Variants in PTPRD observed in about 807,000 individuals in gnomAD.
PTPRD encodes the protein protein tyrosine phosphatase receptor type D.
PTPRD carries 34 observed loss-of-function variants against 214.5 expected under a neutral mutation model. The ratio of observed to expected loss-of-function variants is 0.16; its 90% CI spans 0.12 to 0.21. The LOEUF (loss-of-function observed/expected upper bound fraction) is 0.21. Among genes scored for constraint, PTPRD ranks in the 10% least tolerant of loss-of-function variants. The probability of loss-of-function intolerance (pLI) is 1.00; values close to 1 mark genes in which losing one functional copy is unlikely to be tolerated. For missense variants in PTPRD, 2,545 were observed against 2,398.7 expected, an observed-to-expected ratio of 1.06 and a Z score of -1.27; for synonymous variants, 1,128 against 845.7, an observed-to-expected ratio of 1.33 and a Z score of -5.79.
chr9:10,466,860 T>A (rs1483490166), intron 2 of PTPRD, among the ~76,000 whole-genome samples: 1 of 152,074 alleles, frequency 6.6e-6, no homozygotes, highest in Non-Finnish European at 1.5e-5. Flanking sequence ...AGAAGCATAA[T>A]TCACATAAGG....
chr9:9,993,290 A>G (rs762040633), intron 4 of PTPRD, among the ~76,000 whole-genome samples: 3 of 152,214 alleles, frequency 2.0e-5, no homozygotes, highest in Non-Finnish European at 4.4e-5. Flanking sequence ...TCTTAGGTAC[A>G]TATATTATCC....
chr9:8,666,924 G>A (rs1163608311), intron 12 of PTPRD, among the ~76,000 whole-genome samples: 1 of 151,722 alleles, frequency 6.6e-6, no homozygotes, highest in East Asian at 1.9e-4. Flanking sequence ...TGTGTCTTGT[G>A]TACATACATT....
At chr9:10,270,296 T>C (rs936653164) in intron 3 of PTPRD, among the ~76,000 whole-genome samples, 12 of 152,160 alleles carry the variant, frequency 7.9e-5, no homozygotes, top group Non-Finnish European at 1.0e-4. Context: ...TTTATTATGC[T>C]GATATAGCAT....
intron 10 of PTPRD, among the ~76,000 whole-genome samples, chr9:9,176,549 T>G (rs1254680040): frequency 6.6e-6 from 1 of 152,174 alleles, no homozygotes; most frequent in Non-Finnish European, 1.5e-5. Flanking sequence ...TTAAAACTCA[T>G]GTTGAAACCT....
intron 11 of PTPRD, among the ~76,000 whole-genome samples, chr9:8,813,886 G>C (rs186901540): frequency 1.3e-5 from 2 of 152,192 alleles, no homozygotes; most frequent in African/African-American, 2.4e-5. Context: ...AGTCTTCTTT[G>C]GTCCTGGTCC....
At chr9:10,309,522 C>CT (rs771490425) in intron 3 of PTPRD, among the ~76,000 whole-genome samples, 2,097 of 83,158 alleles carry the variant, frequency 0.025, 45 homozygotes, top group African/African-American at 0.094. Flanking sequence ...CCAGCTATTT[C>CT]TTTTTTTTTT....
intron 39 of PTPRD, among the ~76,000 whole-genome samples, chr9:8,343,029 C>A (rs901189415): frequency 6.6e-6 from 1 of 152,154 alleles, no homozygotes; most frequent in Non-Finnish European, 1.5e-5. Flanking sequence ...GGCAAGGCAC[C>A]TTTGCAACGA....
At chr9:9,023,513 T>C (rs2099576472) in intron 10 of PTPRD, among the ~76,000 whole-genome samples, 1 of 152,078 alleles carries the variant, frequency 6.6e-6, no homozygotes, top group Non-Finnish European at 1.5e-5. Context: ...TTCTTCTATT[T>C]ACACTTAGTT....
At chr9:10,343,293 C>G (rs1385619886) in intron 2 of PTPRD, among the ~76,000 whole-genome samples, 1 of 152,064 alleles carries the variant, frequency 6.6e-6, no homozygotes, top group African/African-American at 2.4e-5. Flanking sequence ...CATGTCCCTG[C>G]AAAGGACATG....
chr9:8,601,376 T>G (rs1255727688), intron 14 of PTPRD, among the ~76,000 whole-genome samples: 1 of 152,186 alleles, frequency 6.6e-6, no homozygotes, highest in Non-Finnish European at 1.5e-5. Context: ...TAGAGCCCTA[T>G]GGCCTTGAGC....
At chr9:10,402,366 G>A (rs1420662768) in intron 2 of PTPRD, among the ~76,000 whole-genome samples, 1 of 151,548 alleles carries the variant, frequency 6.6e-6, no homozygotes, top group Admixed American at 6.6e-5. Flanking sequence ...ATGTTTTAAA[G>A]GTCAAATTTA....
intron 11 of PTPRD, among the ~76,000 whole-genome samples, chr9:8,753,399 G>T (rs546578884): frequency 9.2e-5 from 14 of 152,214 alleles, no homozygotes; most frequent in African/African-American, 3.1e-4. Flanking sequence ...TTCTGCCGGG[G>T]GATAAATCCC....
chr9:10,597,547 G>A (rs966456017), intron 2 of PTPRD, among the ~76,000 whole-genome samples: 2 of 151,706 alleles, frequency 1.3e-5, no homozygotes, highest in African/African-American at 2.4e-5. Context: ...TTAAAATAAT[G>A]CATGACTTGA....
At chr9:9,433,978 G>A (rs986089046) in intron 8 of PTPRD, among the ~76,000 whole-genome samples, 2 of 152,110 alleles carry the variant, frequency 1.3e-5, no homozygotes, top group Non-Finnish European at 2.9e-5. Flanking sequence ...CAGCTAAACA[G>A]AAAAATCATT....
At chr9:8,842,547 C>A (rs1022644849) in intron 11 of PTPRD, among the ~76,000 whole-genome samples, 1 of 152,094 alleles carries the variant, frequency 6.6e-6, no homozygotes, top group Admixed American at 6.5e-5. Context: ...TTATACTTAA[C>A]TCTCACCTAG....
chr9:10,002,268 A>G (rs2096340927), intron 4 of PTPRD, among the ~76,000 whole-genome samples: 1 of 149,526 alleles, frequency 6.7e-6, no homozygotes, highest in African/African-American at 2.4e-5. Flanking sequence ...AAAAGACACA[A>G]GACATACAAA....
intron 8 of PTPRD, among the ~76,000 whole-genome samples, chr9:9,446,203 A>G (rs1413986806): frequency 6.6e-6 from 1 of 152,188 alleles, no homozygotes; most frequent in Non-Finnish European, 1.5e-5. Flanking sequence ...GAAAGACTAC[A>G]CTTAAGAAAT....
At chr9:10,437,715 A>G (rs1255398246) in intron 2 of PTPRD, among the ~76,000 whole-genome samples, 3 of 151,522 alleles carry the variant, frequency 2.0e-5, no homozygotes, top group Non-Finnish European at 4.4e-5. Flanking sequence ...GAAGGGTGAC[A>G]TGGTTCTATC....
intron 22 of PTPRD, among the ~76,000 whole-genome samples, chr9:8,505,782 T>C (rs2097532977): frequency 1.3e-5 from 2 of 152,168 alleles, no homozygotes; most frequent in South Asian, 2.1e-4. Flanking sequence ...AAATAAGCAA[T>C]TGTGGAGCAC....
Sources: gnomAD v4.1 joint callset for allele counts (sites outside exome capture counted in the v4.1 genomes callset) on GRCh38, gnomAD v4.1.1 for gene constraint, MANE v1.5 for transcripts, NCBI Gene and HGNC (gene_info 2026-07-23, HGNC 2026-07-21) for gene names.